The following NCKAP1 variants were observed in gnomAD, a reference collection of about 807,000 sequenced individuals.
NCKAP1 encodes the protein nck-associated protein 1.
In NCKAP1, 21 loss-of-function variants were observed where a neutral mutation model predicts 151.2. The observed-to-expected ratio is 0.14, with a 90% CI of 0.10 to 0.20. The LOEUF is 0.20. Ranked by LOEUF, NCKAP1 falls within the 10% of genes least tolerant of loss-of-function variation. The probability of loss-of-function intolerance (pLI) is 1.00; values close to 1 mark genes in which losing one functional copy is unlikely to be tolerated. For missense variants in NCKAP1, 933 were observed against 1,352.1 expected (o/e 0.69, Z 4.86); for synonymous variants, 484 against 451.8 (o/e 1.07, Z -0.90).
Position 182,976,854 on chromosome 2 carries a change from A to C in NCKAP1, c.1482+39T>G. 4 of 1,337,726 alleles carry C rather than the reference A, an allele frequency of 3.0e-6. No individual in the cohort carries two copies. The South Asian group carries it at 6.7e-5, about 22-fold the overall frequency. The allele number at this position is 1,337,726 out of a possible 1,614,324, so 82.9% of individuals were successfully genotyped here. On this transcript the variant is annotated intron_variant, in intron 15 of 30. Transcript: ENST00000361354. ...GTTATAAAATTTTTCATGTTAACTA[A>C]AATAACAAAACAGAATGACAATAAA...
At chr2:182,952,360 C>T in intron 23 of NCKAP1, 45 bp downstream of exon 23, 6 of 1,276,748 alleles carry the variant, frequency 4.7e-6, no homozygotes, top group Non-Finnish European at 6.6e-6. Flanking sequence ...AAATGTTTTT[C>T]AGGAATTAAT....
chr2:182,921,967 T>C lies in NCKAP1; in HGVS notation c.*3735A>G, dbSNP rs1030644109. 1.3e-5 allele frequency: 2 copies of C among 152,230 alleles called. No homozygotes were observed. Among genetic ancestry groups the C allele is most frequent in the Non-Finnish European group, 2.9e-5 (2 of 68,042 alleles). 9.4% of individuals were successfully genotyped at this position (152,230 alleles called of 1,614,324 possible). A position where few individuals can be genotyped will look rare whatever the true frequency, so the allele number is the denominator to read the frequency against. On this transcript the variant is annotated 3_prime_UTR_variant, in exon 31 of 31. Transcript: ENST00000361354. ...AAAATTTTAAAATCTCAAATATTTT[T>C]TCCCAAAGGCAGAGGTCATGGCAAA...
intron 1 of NCKAP1, among the ~76,000 whole-genome samples, chr2:183,026,297 G>A (rs1224509061): frequency 6.6e-6 from 1 of 151,950 alleles, no homozygotes; most frequent in Non-Finnish European, 1.5e-5. Flanking sequence ...TTGTAGAGAA[G>A]TAAGCTCAGG....
At chr2:182,939,289 G>C (rs1323543956) in intron 24 of NCKAP1, among the ~76,000 whole-genome samples, 2 of 152,108 alleles carry the variant, frequency 1.3e-5, no homozygotes, top group Admixed American at 6.5e-5. Flanking sequence ...CAACACTCTA[G>C]GAGGTCGAGG....
intron 8 of NCKAP1, among the ~76,000 whole-genome samples, chr2:182,994,424 G>C (rs1575053780): frequency 1.3e-5 from 2 of 152,104 alleles, no homozygotes; most frequent in East Asian, 3.9e-4. Flanking sequence ...GATCACTTGA[G>C]GTCAGGAGTT....
chr2:182,976,488 T>C (rs1177817464), intron 15 of NCKAP1, among the ~76,000 whole-genome samples: 1 of 152,250 alleles, frequency 6.6e-6, no homozygotes, highest in Non-Finnish European at 1.5e-5. Flanking sequence ...GCAATCATGA[T>C]GACGGAGACT....
intron 15 of NCKAP1, among the ~76,000 whole-genome samples, chr2:182,972,560 G>A (rs1436221046): frequency 3.9e-5 from 6 of 152,128 alleles, no homozygotes; most frequent in Non-Finnish European, 2.9e-5. Flanking sequence ...TCACACTGCT[G>A]GGTATATATC....
At chr2:182,984,553 T>C (rs1698011118) in intron 10 of NCKAP1, among the ~76,000 whole-genome samples, 1 of 152,116 alleles carries the variant, frequency 6.6e-6, no homozygotes, top group Admixed American at 6.6e-5. Context: ...ATCCATCCTC[T>C]CCCTACATGA....
At chr2:183,004,224 T>A (rs1458381140) in intron 2 of NCKAP1, among the ~76,000 whole-genome samples, 1 of 152,074 alleles carries the variant, frequency 6.6e-6, no homozygotes, top group Non-Finnish European at 1.5e-5. Context: ...TAAACACACA[T>A]TAAATGTGTG....
Position 182,960,018 on chromosome 2 carries a change from T to TGACGTGAAGGACCTC in NCKAP1, c.1881+2140_1881+2141insGAGGTCCTTCACGTC, listed in dbSNP as rs1423097141. ...AGAATAAAATGCCTAGGAATCCAAC[T>TGACGTGAAGGACCTC]TACAAGGGACGTGAAGGACCTCTTC... is the stretch of plus-strand genomic sequence containing the variant. On this transcript the variant is annotated intron_variant, in intron 18 of 30. Coordinates refer to ENST00000361354, the MANE Select transcript of NCKAP1 (RefSeq NM_013436.5). Among the ~76,000 whole-genome samples the TGACGTGAAGGACCTC allele has an allele frequency of 9.2e-5, 14 of 152,248 alleles. No homozygotes were observed. In the South Asian group the frequency reaches 2.9e-3, roughly 32 times the overall value.
chr2:182,935,395 A>C lies in NCKAP1; in HGVS notation c.2696-20T>G, dbSNP rs759446837. The C allele has an allele frequency of 6.9e-7, 1 of 1,446,238 alleles. No individual in the cohort carries two copies. The highest frequency in any genetic ancestry group is 2.4e-5 in the Admixed American group (1 of 41,332). 89.6% of individuals were successfully genotyped at this position (1,446,238 alleles called of 1,614,324 possible). ...CAACAGCTAAATTCAAAGAAACAGA[A>C]GGAGAAGAGAATAAAAAAGTGTGAA... On this transcript the variant is annotated intron_variant, in intron 24 of 30. Transcript: ENST00000361354.
chr2:182,928,828 T>A lies in NCKAP1; in HGVS notation c.3025A>T (p.Thr1009Ser). Reference protein sequence around the residue: ...LMVFVAVSLPTLASNVMSQYS... With the variant: ...LMVFVAVSLPSLASNVMSQYS... Reference sequence around the variant, plus strand: ...TGAGACATCACATTACTGGCCAGTGTTGGCAAAGAAACTGCCACAAACACC... The same window carrying A: ...TGAGACATCACATTACTGGCCAGTGATGGCAAAGAAACTGCCACAAACACC... Residue 1009 changes from threonine (T) to serine (S), a missense_variant, in exon 28 of 31, where the codon ACA (threonine) becomes TCA (serine). Transcript: ENST00000361354. The A allele has an allele frequency of 6.2e-7, 1 of 1,612,468 alleles. No homozygotes were observed. The highest frequency in any genetic ancestry group is 8.5e-7 in the Non-Finnish European group (1 of 1,178,832).
chr2:183,007,520 T>G (rs146978317), intron 2 of NCKAP1, among the ~76,000 whole-genome samples: 91 of 152,348 alleles, frequency 6.0e-4, no homozygotes, highest in African/African-American at 2.0e-3. Context: ...AAGGAATCAG[T>G]GCCTACGAGC....
chr2:182,986,106 A>G, intron 10 of NCKAP1, 65 bp downstream of exon 10: 2 of 1,472,836 alleles, frequency 1.4e-6, no homozygotes, highest in Admixed American at 1.7e-5. Flanking sequence ...TACTCACTTC[A>G]ACAAAATGAT....
intron 1 of NCKAP1, among the ~76,000 whole-genome samples, chr2:183,036,342 T>G (rs1277461782): frequency 3.3e-5 from 5 of 152,202 alleles, no homozygotes; most frequent in Admixed American, 3.3e-4. Flanking sequence ...GAAACCATCA[T>G]AACCATTTCC....
At chr2:182,951,020 G>C (rs1213551962) in intron 23 of NCKAP1, among the ~76,000 whole-genome samples, 1 of 151,746 alleles carries the variant, frequency 6.6e-6, no homozygotes, top group African/African-American at 2.4e-5. Context: ...TTCAGTAGAG[G>C]GGGGATTTCA....
chr2:183,032,634 T>A (rs948895826), intron 1 of NCKAP1, among the ~76,000 whole-genome samples: 41 of 152,218 alleles, frequency 2.7e-4, no homozygotes, highest in African/African-American at 9.4e-4. Context: ...AGGCAGTCCA[T>A]CATTTCAGTG....
chr2:183,019,307 A>G (rs1289342915), intron 2 of NCKAP1, among the ~76,000 whole-genome samples: 1 of 152,222 alleles, frequency 6.6e-6, no homozygotes, highest in Non-Finnish European at 1.5e-5. Context: ...TGTTTTAAAA[A>G]ACACAAACTA....
At chr2:183,030,874 T>G (rs1178381884) in intron 1 of NCKAP1, among the ~76,000 whole-genome samples, 1 of 152,170 alleles carries the variant, frequency 6.6e-6, no homozygotes, top group Non-Finnish European at 1.5e-5. Flanking sequence ...AAGACTCAAA[T>G]TCATCAGTAG....
Sources: gnomAD v4.1 joint callset for allele counts (sites outside exome capture counted in the v4.1 genomes callset) on GRCh38, gnomAD v4.1.1 for gene constraint, MANE v1.5 for transcripts, NCBI Gene and HGNC (gene_info 2026-07-23, HGNC 2026-07-21) for gene names.